TENM2: variants seen among roughly 807,000 people sequenced by gnomAD.
TENM2 encodes the protein teneurin transmembrane protein 2, also known as teneurin-2.
A neutral mutation model predicts 245.2 loss-of-function variants in TENM2; 52 were observed. The ratio of observed to expected loss-of-function variants is 0.21; its 90% CI spans 0.17 to 0.27. The LOEUF (loss-of-function observed/expected upper bound fraction) is 0.27, where lower values mean the gene tolerates loss of function less well. TENM2 is among the 10% of genes least tolerant of loss of function. TENM2 has a pLI of 1.00. For synonymous variants in TENM2, 1,363 were observed against 1,438.9 expected, an observed-to-expected ratio of 0.95 and a Z score of 1.19; for missense variants, 3,046 against 3,666.8, an observed-to-expected ratio of 0.83 and a Z score of 4.37.
chr5:167,316,579 G>A (rs1756376386), intron 1 of TENM2, among the ~76,000 whole-genome samples: 1 of 152,106 alleles, frequency 6.6e-6, no homozygotes, highest in African/African-American at 2.4e-5. Context: ...TTGTGCATGT[G>A]TGTATACGCA....
At chr5:167,264,138 G>T in the TENM2 span, among the ~76,000 whole-genome samples, 1 of 151,550 alleles carries the variant, frequency 6.6e-6, no homozygotes, top group African/African-American at 2.4e-5. Flanking sequence ...CTGTTAGTGT[G>T]GGTGCCCATT....
intron 1 of TENM2, among the ~76,000 whole-genome samples, chr5:167,349,240 G>A (rs1211863254): frequency 1.3e-5 from 2 of 152,156 alleles, no homozygotes; most frequent in East Asian, 3.8e-4. Context: ...GTTGGTGCAC[G>A]TCATCTAATA....
chr5:167,209,204 G>A, the TENM2 span, among the ~76,000 whole-genome samples: 25,828 of 151,992 alleles, frequency 0.17, 2,358 homozygotes, highest in African/African-American at 0.21. Context: ...GAAAGAATGC[G>A]TATGAAGTAC....
chr5:168,124,963 G>A (rs1795736840), exon 11 of TENM2: 1 of 1,612,022 alleles, frequency 6.2e-7, no homozygotes, highest in Non-Finnish European at 8.5e-7. Context: ...CCAGTGCCCA[G>A]ACCAGTGCAG....
At chr5:167,643,875 A>C (rs1677421346) in intron 2 of TENM2, among the ~76,000 whole-genome samples, 1 of 152,228 alleles carries the variant, frequency 6.6e-6, no homozygotes, top group Admixed American at 6.5e-5. Flanking sequence ...AAAAATTATC[A>C]TAGTATTGAG....
chr5:167,121,285 C>T, the TENM2 span, among the ~76,000 whole-genome samples: 1 of 151,958 alleles, frequency 6.6e-6, no homozygotes, highest in Non-Finnish European at 1.5e-5. Context: ...GCAGTAAAAG[C>T]AGGGTGTGGT....
intron 7 of TENM2, among the ~76,000 whole-genome samples, chr5:168,068,608 A>G (rs963107398): frequency 6.6e-6 from 1 of 152,110 alleles, no homozygotes; most frequent in Admixed American, 6.6e-5. Context: ...TAAACCCATG[A>G]GAGTGGTCAC....
At chr5:167,412,749 C>G (rs2127407483) in intron 2 of TENM2, among the ~76,000 whole-genome samples, 1 of 152,136 alleles carries the variant, frequency 6.6e-6, no homozygotes, top group Admixed American at 6.6e-5. Flanking sequence ...ATTGATGAAA[C>G]TTTTGGCCCA....
At chr5:167,251,423 C>T in the TENM2 span, among the ~76,000 whole-genome samples, 1 of 152,070 alleles carries the variant, frequency 6.6e-6, no homozygotes, top group South Asian at 2.1e-4. Context: ...ATGCCTAATG[C>T]TTATATATCT....
At chr5:167,844,164 T>G (rs554781529) in intron 2 of TENM2, among the ~76,000 whole-genome samples, 1 of 152,208 alleles carries the variant, frequency 6.6e-6, no homozygotes, top group Non-Finnish European at 1.5e-5. Context: ...GTAGTATAAA[T>G]GTAAATGTAA....
At chr5:168,174,133 C>T (rs1759116127) in intron 13 of TENM2, among the ~76,000 whole-genome samples, 1 of 152,178 alleles carries the variant, frequency 6.6e-6, no homozygotes, top group Admixed American at 6.5e-5. Flanking sequence ...CATGCCTGCC[C>T]CTCAGACAGA....
chr5:167,125,957 A>G, the TENM2 span, among the ~76,000 whole-genome samples: 1 of 152,238 alleles, frequency 6.6e-6, no homozygotes, highest in Non-Finnish European at 1.5e-5. Flanking sequence ...TTCTGGGGAT[A>G]AAGTATGTTT....
At chr5:168,077,902 C>T (rs1409556361) in intron 7 of TENM2, among the ~76,000 whole-genome samples, 2 of 152,154 alleles carry the variant, frequency 1.3e-5, no homozygotes, top group African/African-American at 2.4e-5. Context: ...GTGCATGTGT[C>T]TTTATAGCAG....
At chr5:167,280,521 C>A (rs1770981449), upstream of TENM2, among the ~76,000 whole-genome samples, 1 of 152,112 alleles carries the variant, frequency 6.6e-6, no homozygotes, top group South Asian at 2.1e-4. Context: ...GAAGGGCAAG[C>A]TTTCCACTTG....
chr5:167,450,638 A>G (rs1443515342), intron 2 of TENM2, among the ~76,000 whole-genome samples: 1 of 152,240 alleles, frequency 6.6e-6, no homozygotes. Flanking sequence ...ATATTTAAAA[A>G]TAATGAATGG....
intron 2 of TENM2, among the ~76,000 whole-genome samples, chr5:167,479,197 T>C (rs1275087219): frequency 1.3e-5 from 2 of 152,198 alleles, no homozygotes; most frequent in African/African-American, 2.4e-5. Flanking sequence ...TGAGTTATCA[T>C]GGTTTTTTTG....
the TENM2 span, among the ~76,000 whole-genome samples, chr5:167,042,765 A>G: frequency 6.6e-6 from 1 of 152,216 alleles, no homozygotes; most frequent in Non-Finnish European, 1.5e-5. Flanking sequence ...TTCTACTTAT[A>G]TCTCTGGTTA....
At chr5:167,058,756 A>AG in the TENM2 span, among the ~76,000 whole-genome samples, 3 of 152,036 alleles carry the variant, frequency 2.0e-5, no homozygotes, top group Non-Finnish European at 4.4e-5. Context: ...GTCTCTTAAG[A>AG]GGGGGGCGGG....
chr5:168,167,088 T>G (rs1293723272), intron 13 of TENM2, among the ~76,000 whole-genome samples: 1 of 152,150 alleles, frequency 6.6e-6, no homozygotes, highest in Non-Finnish European at 1.5e-5. Context: ...AGATCTTCAC[T>G]TGAACTGCTC....
Sources: allele counts gnomAD v4.1 joint callset (sites outside exome capture counted in the v4.1 genomes callset), GRCh38; gene constraint gnomAD v4.1.1; transcripts MANE v1.5; gene names NCBI Gene and HGNC (gene_info 2026-07-23, HGNC 2026-07-21).